Variants in ANO4 observed in about 807,000 individuals in gnomAD.
ANO4 encodes the protein anoctamin 4.
ANO4 carries 69 observed loss-of-function variants against 141.9 expected under a neutral mutation model. That is an observed-to-expected ratio of 0.49 (90% CI 0.40 to 0.59). The LOEUF is 0.59. Ranked by LOEUF, ANO4 falls within the 20% of genes least tolerant of loss-of-function variation. The pLI, the probability that ANO4 is intolerant of heterozygous loss-of-function variation, is 0.00. For synonymous variants in ANO4, 350 were observed against 394.3 expected, an observed-to-expected ratio of 0.89 and a Z score of 1.33; for missense variants, 894 against 1,162.2, an observed-to-expected ratio of 0.77 and a Z score of 3.36.
intron 3 of ANO4, among the ~76,000 whole-genome samples, chr12:100,787,260 C>T (rs76049597): frequency 0.013 from 1,903 of 152,230 alleles, 51 homozygotes; most frequent in African/African-American, 0.043. Flanking sequence ...GAGAAAGATG[C>T]TTGGGTGGTC....
Position 100,753,504 on chromosome 12 carries a change from G to A in ANO4, c.358+13399G>A, listed in dbSNP as rs552003102. Among the ~76,000 whole-genome samples the A allele has an allele frequency of 3.9e-5, 6 of 152,230 alleles. No individual in the cohort carries two copies. In the South Asian group the frequency reaches 1.2e-3, roughly 32 times the overall value. On this transcript the variant is annotated intron_variant, in intron 3 of 29. Transcript: ENST00000644049. ...CTCCTTTTACCTATTCCAACCTGAA[G>A]TTGCCTATAAAGGCCCTCTCTTCCT...
chr12:100,927,612 A>G lies in ANO4; in HGVS notation c.160+5282A>G, dbSNP rs926613729. ...TATGTGTGTGTGTATGTATGTGAGC[A>G]TTTATTACATTAGCTGGCTACTGTG... On this transcript the variant is annotated intron_variant, in intron 3 of 27. Coordinates refer to ENST00000392977, the MANE Select transcript of ANO4 (RefSeq NM_001286615.2). Among the ~76,000 whole-genome samples, 8 of 152,094 alleles carry G rather than the reference A, an allele frequency of 5.3e-5. 1 individual carries two copies. Among genetic ancestry groups the G allele is most frequent in the Admixed American group, 5.2e-4 (8 of 15,248 alleles).
chr12:100,767,361 G>A (rs1012841140), intron 3 of ANO4, among the ~76,000 whole-genome samples: 1 of 152,004 alleles, frequency 6.6e-6, no homozygotes, highest in Non-Finnish European at 1.5e-5. Context: ...TTTCATGTGT[G>A]TAGTAGATAC....
chr12:100,811,868 C>G (rs1480219563), intron 1 of ANO4, among the ~76,000 whole-genome samples: 1 of 152,114 alleles, frequency 6.6e-6, no homozygotes, highest in Non-Finnish European at 1.5e-5. Context: ...TCCCCTAAAC[C>G]ATGGTAGTCG....
At chr12:100,986,418 C>T (rs2044711549) in intron 7 of ANO4, among the ~76,000 whole-genome samples, 1 of 152,044 alleles carries the variant, frequency 6.6e-6, no homozygotes, top group Non-Finnish European at 1.5e-5. Context: ...TAGATGGTGC[C>T]CACCTGTGTT....
At chr12:100,720,425 C>CTTACTGTT (rs2030811715) in intron 1 of ANO4, among the ~76,000 whole-genome samples, 1 of 151,670 alleles carries the variant, frequency 6.6e-6, no homozygotes, top group South Asian at 2.1e-4. Flanking sequence ...AGTGCAAAGG[C>CTTACTGTT]CCTGAGTCAG....
intron 2 of ANO4, among the ~76,000 whole-genome samples, chr12:100,920,564 C>G (rs1592719886): frequency 1.3e-5 from 2 of 148,790 alleles, no homozygotes; most frequent in Middle Eastern, 3.5e-3. Flanking sequence ...AGCAAATAAC[C>G]CATTTTAATT....
chr12:100,921,714 A>T (rs2041639811), intron 2 of ANO4, among the ~76,000 whole-genome samples: 1 of 152,152 alleles, frequency 6.6e-6, no homozygotes, highest in South Asian at 2.1e-4. Context: ...TCAAATTCGG[A>T]TACAGTTGAA....
intron 1 of ANO4, among the ~76,000 whole-genome samples, chr12:100,891,462 C>A (rs1427365158): frequency 6.6e-6 from 1 of 152,126 alleles, no homozygotes; most frequent in Non-Finnish European, 1.5e-5. Flanking sequence ...GTTCCTGTCG[C>A]ACTGTATTCT....
chr12:100,904,386 GTAT>G (rs35692610), intron 2 of ANO4, among the ~76,000 whole-genome samples: 94,050 of 151,590 alleles, frequency 0.62, 29,417 homozygotes, highest in East Asian at 0.71. Flanking sequence ...GAAAGGATAA[GTAT>G]TATGGATAAA....
chr12:100,918,641 T>A (rs1185052110), intron 2 of ANO4, among the ~76,000 whole-genome samples: 1 of 152,176 alleles, frequency 6.6e-6, no homozygotes, highest in Non-Finnish European at 1.5e-5. Flanking sequence ...TACTCACGTG[T>A]TTGTGGTGAT....
At chr12:100,773,266 C>G (rs1227704441) in intron 3 of ANO4, among the ~76,000 whole-genome samples, 4 of 152,182 alleles carry the variant, frequency 2.6e-5, no homozygotes, top group Non-Finnish European at 4.4e-5. Flanking sequence ...CTCCAAATGC[C>G]TTGCCTTCAA....
chr12:101,103,371 T>C (rs2050287818), intron 22 of ANO4, among the ~76,000 whole-genome samples: 1 of 151,186 alleles, frequency 6.6e-6, no homozygotes, highest in Non-Finnish European at 1.5e-5. Context: ...TGTATTGTTT[T>C]GTACATACTT....
intron 9 of ANO4, among the ~76,000 whole-genome samples, chr12:101,029,320 C>T (rs1333921334): frequency 6.6e-6 from 1 of 152,128 alleles, no homozygotes; most frequent in African/African-American, 2.4e-5. Context: ...GGATCGAATT[C>T]ACACATAACA....
chr12:101,086,009 C>T (rs1487721927), intron 16 of ANO4, among the ~76,000 whole-genome samples: 1 of 150,802 alleles, frequency 6.6e-6, no homozygotes, highest in Non-Finnish European at 1.5e-5. Flanking sequence ...GTCTGGGAGT[C>T]ATGAAGAACT....
chr12:100,738,628 A>G (rs1316010493), intron 2 of ANO4, among the ~76,000 whole-genome samples: 3 of 152,044 alleles, frequency 2.0e-5, no homozygotes, highest in Admixed American at 2.0e-4. Context: ...TTTTTGGAAA[A>G]AGAACATATA....
chr12:101,022,684 T>G (rs952658477), intron 9 of ANO4, among the ~76,000 whole-genome samples: 4 of 152,150 alleles, frequency 2.6e-5, no homozygotes, highest in Non-Finnish European at 5.9e-5. Context: ...AAAATGCAAA[T>G]AACTCCAAAT....
chr12:100,905,366 C>A (rs895878296), intron 2 of ANO4, among the ~76,000 whole-genome samples: 1 of 152,046 alleles, frequency 6.6e-6, no homozygotes, highest in African/African-American at 2.4e-5. Flanking sequence ...GGACATGAAC[C>A]ACGAGCAAGA....
At chr12:100,806,534 T>G (rs2035054629) in intron 1 of ANO4, among the ~76,000 whole-genome samples, 1 of 36,900 alleles carries the variant, frequency 2.7e-5, no homozygotes. Flanking sequence ...GTTTTTTTTT[T>G]TTTTTTTTTT....
Sources: allele counts gnomAD v4.1 joint callset (sites outside exome capture counted in the v4.1 genomes callset), GRCh38; gene constraint gnomAD v4.1.1; transcripts MANE v1.5; gene names NCBI Gene and HGNC (gene_info 2026-07-23, HGNC 2026-07-21).